Variants in ATG7 observed in about 807,000 individuals in gnomAD.
ATG7 encodes the protein autophagy related 7.
ATG7 carries 70 observed loss-of-function variants against 82.4 expected under a neutral mutation model. The observed-to-expected ratio is 0.85, with a 90% CI of 0.70 to 1.04. The LOEUF (loss-of-function observed/expected upper bound fraction) is 1.04. ATG7 is among the 50% of genes least tolerant of loss of function. The pLI, the probability that ATG7 is intolerant of heterozygous loss-of-function variation, is 0.00. For missense variants in ATG7, 792 were observed against 864.3 expected, an observed-to-expected ratio of 0.92 and a Z score of 1.05; for synonymous variants, 287 against 313.0, an observed-to-expected ratio of 0.92 and a Z score of 0.88.
At position 11,298,713 on chromosome 3, in the gene ATG7, G is replaced by T. The variant is rs769895349; in HGVS notation, c.18G>T (p.Gly6=). 2 of 1,613,760 alleles carry T rather than the reference G, an allele frequency of 1.2e-6. No individual in the cohort carries two copies. Among genetic ancestry groups the T allele is most frequent in the Non-Finnish European group, 1.7e-6 (2 of 1,179,922 alleles). MAAAT[G]DPGLSKLQFA... is the part of the protein sequence containing the mutation. ...AAGAAATAATGGCGGCAGCTACGGG[G>T]GATCCTGGACTCTCTAAACTGCAGT... The change falls in exon 4 of 21, where the codon GGG becomes GGT. Residue 6 remains glycine, a synonymous_variant. Coordinates refer to ENST00000693202, the MANE Select transcript of ATG7 (RefSeq NM_001349232.2).
At position 11,372,813 on chromosome 3, in the gene ATG7, TGTGCGCGC is replaced by T. The variant is rs1369912490; in HGVS notation, c.1876-7155_1876-7148del. Reference sequence around the variant, plus strand: ...TAGGTAAGGGCTGGGTGTGTGTGTGTGTGCGCGCGTGTGCGTGTGTGTGCGTGCGTGCG... The same window carrying T: ...TAGGTAAGGGCTGGGTGTGTGTGTGTGTGTGCGTGTGTGTGCGTGCGTGCG... On this transcript the variant is annotated intron_variant, in intron 18 of 20. Transcript: ENST00000693202. Among the ~76,000 whole-genome samples the T allele has an allele frequency of 1.3e-4, 10 of 79,362 alleles. 1 individual carries two copies. The highest frequency in any genetic ancestry group is 4.1e-4 in the African/African-American group (10 of 24,680). The allele number at this position is 79,362 out of a possible 152,430, so 52.1% of individuals were successfully genotyped here.
intron 20 of ATG7, among the ~76,000 whole-genome samples, chr3:11,541,667 C>G (rs6776334): frequency 6.6e-6 from 1 of 152,168 alleles, no homozygotes; most frequent in Non-Finnish European, 1.5e-5. Context: ...ATCCTGCGTC[C>G]TCCCCACCTC....
intron 5 of ATG7, among the ~76,000 whole-genome samples, chr3:11,301,120 A>G (rs1047968193): frequency 6.6e-6 from 1 of 152,202 alleles, no homozygotes; most frequent in South Asian, 2.1e-4. Context: ...TGTTAGAGAA[A>G]CCAAAGAAGG....
chr3:11,415,373 T>C (rs969792280), intron 19 of ATG7, among the ~76,000 whole-genome samples: 1 of 152,176 alleles, frequency 6.6e-6, no homozygotes, highest in Admixed American at 6.5e-5. Flanking sequence ...TTAAAAAATA[T>C]TTTTCTGTCT....
chr3:11,456,591 G>A (rs141934745), intron 20 of ATG7, among the ~76,000 whole-genome samples: 63 of 152,074 alleles, frequency 4.1e-4, no homozygotes, highest in African/African-American at 1.5e-3. Context: ...ATGGTGTTTC[G>A]CTTAACACTA....
At chr3:11,286,326 G>A (rs1943984776) in intron 3 of ATG7, among the ~76,000 whole-genome samples, 1 of 152,160 alleles carries the variant, frequency 6.6e-6, no homozygotes, top group African/African-American at 2.4e-5. Context: ...GTGCATGCAT[G>A]TTTCCTGCCC....
intron 20 of ATG7, among the ~76,000 whole-genome samples, chr3:11,466,918 T>G (rs541389601): frequency 1.5e-4 from 23 of 152,094 alleles, no homozygotes; most frequent in Non-Finnish European, 3.2e-4. Context: ...TCACCTGAGG[T>G]CAGGAGTTTG....
chr3:11,335,206 G>A (rs138400147), intron 11 of ATG7, among the ~76,000 whole-genome samples: 1 of 151,938 alleles, frequency 6.6e-6, no homozygotes, highest in East Asian at 1.9e-4. Flanking sequence ...CCCTCTCCTG[G>A]CAAATTCTAA....
chr3:11,486,534 TCTC>T (rs1437838624), intron 20 of ATG7, among the ~76,000 whole-genome samples: 7 of 150,824 alleles, frequency 4.6e-5, no homozygotes, highest in Non-Finnish European at 1.5e-5. Context: ...TTTATTTCCT[TCTC>T]CTGCCTAATT....
At chr3:11,422,293 C>T (rs2081997985) in intron 19 of ATG7, among the ~76,000 whole-genome samples, 1 of 152,246 alleles carries the variant, frequency 6.6e-6, no homozygotes, top group African/African-American at 2.4e-5. Flanking sequence ...TGTTTAGCCA[C>T]ATTTCTCAAT....
chr3:11,525,091 C>T (rs1004151948), intron 20 of ATG7, among the ~76,000 whole-genome samples: 1 of 151,990 alleles, frequency 6.6e-6, no homozygotes, highest in Non-Finnish European at 1.5e-5. Context: ...GGCTGGAGTG[C>T]AGTGGCGCGA....
chr3:11,553,007 G>A (rs2071963382), intron 20 of ATG7, among the ~76,000 whole-genome samples: 1 of 152,214 alleles, frequency 6.6e-6, no homozygotes. Flanking sequence ...CATTTGCAGA[G>A]GGCACTGCTG....
downstream of ATG7, chr3:11,559,493 T>G (rs1033027497): frequency 6.6e-7 from 1 of 1,515,940 alleles, no homozygotes; most frequent in African/African-American, 1.4e-5. Flanking sequence ...GGAGACCAGC[T>G]TCAGTACCGG....
At chr3:11,402,936 T>C (rs2079976533) in intron 19 of ATG7, among the ~76,000 whole-genome samples, 1 of 152,250 alleles carries the variant, frequency 6.6e-6, no homozygotes, top group African/African-American at 2.4e-5. Context: ...TTTAAAAATA[T>C]TGAATATAAA....
At chr3:11,542,120 C>A (rs1229528508) in intron 20 of ATG7, among the ~76,000 whole-genome samples, 1 of 152,240 alleles carries the variant, frequency 6.6e-6, no homozygotes, top group Non-Finnish European at 1.5e-5. Context: ...TTCGCGTCAG[C>A]GACAGGAGCC....
At position 11,523,765 on chromosome 3, in the gene ATG7, A is replaced by G. The variant is rs1283296936; in HGVS notation, c.2080-31046A>G. Among the ~76,000 whole-genome samples, 3 of 152,380 alleles carry G rather than the reference A, an allele frequency of 2.0e-5. No individual in the cohort carries two copies. In the South Asian group the frequency reaches 6.2e-4, roughly 32 times the overall value. ...ATAATTATACCACACTTGATCTCTG[A>G]TTACGGCCAAAACAGCAGTTGCTAA... is the stretch of plus-strand genomic sequence containing the variant. On this transcript the variant is annotated intron_variant, in intron 20 of 20. Coordinates refer to ENST00000693202, the MANE Select transcript of ATG7 (RefSeq NM_001349232.2).
intron 20 of ATG7, among the ~76,000 whole-genome samples, chr3:11,516,031 TAA>T (rs35770722): frequency 3.7e-5 from 5 of 135,224 alleles, no homozygotes; most frequent in African/African-American, 1.3e-4. Context: ...CATTCCTTTT[TAA>T]AAAAAAAAAA....
At chr3:11,530,025 G>A (rs887753676) in intron 20 of ATG7, among the ~76,000 whole-genome samples, 8 of 152,152 alleles carry the variant, frequency 5.3e-5, no homozygotes, top group Non-Finnish European at 1.2e-4. Context: ...GACAGAGGAG[G>A]ACCTTCTACT....
chr3:11,363,922 T>G (rs1017630748), intron 17 of ATG7, among the ~76,000 whole-genome samples: 6 of 152,218 alleles, frequency 3.9e-5, no homozygotes, highest in African/African-American at 1.4e-4. Context: ...GCGGGGCTTT[T>G]TTGTCTTCCT....
Sources: allele counts gnomAD v4.1 joint callset (sites outside exome capture counted in the v4.1 genomes callset), GRCh38; gene constraint gnomAD v4.1.1; transcripts MANE v1.5; gene names NCBI Gene and HGNC (gene_info 2026-07-23, HGNC 2026-07-21).